CNTNAP3B: variants seen among roughly 807,000 people sequenced by gnomAD.
The protein encoded by CNTNAP3B is contactin associated protein family member 3B.
CNTNAP3B carries 25 observed loss-of-function variants against 108.9 expected under a neutral mutation model. The ratio of observed to expected loss-of-function variants is 0.23; its 90% CI spans 0.17 to 0.32. CNTNAP3B has a LOEUF of 0.32. CNTNAP3B is among the 10% of genes least tolerant of loss of function. The pLI is 1.00. For missense variants in CNTNAP3B, 252 were observed against 1,210.4 expected (o/e 0.21, Z 11.75); for synonymous variants, 103 against 473.4 (o/e 0.22, Z 10.16).
rs1430582371 is a variant in CNTNAP3B, at chr9:42,095,324, T to A, written c.196+9305A>T. On this transcript the variant is annotated intron_variant, in intron 2 of 23. Coordinates refer to ENST00000377561, the MANE Select transcript of CNTNAP3B (RefSeq NM_001201380.3). ...CTTAACATAATGTCCTCCAGGTTCATCCATGTTATCACAAGTGTCAGAGTT... is the reference window on the plus strand; with the variant it reads ...CTTAACATAATGTCCTCCAGGTTCAACCATGTTATCACAAGTGTCAGAGTT... Among the ~76,000 whole-genome samples, 6 of 138,294 alleles carry A rather than the reference T, an allele frequency of 4.3e-5. 2 individuals are homozygous for A. Among genetic ancestry groups the A allele is most frequent in the African/African-American group, 1.7e-4 (6 of 34,446 alleles). 90.7% of individuals were successfully genotyped at this position (138,294 alleles called of 152,430 possible). A position where few individuals can be genotyped will look rare whatever the true frequency, so the allele number is the denominator to read the frequency against.
intron 9 of CNTNAP3B, among the ~76,000 whole-genome samples, chr9:41,973,753 A>C (rs1366087002): frequency 7.2e-6 from 1 of 139,494 alleles, no homozygotes; most frequent in African/African-American, 2.8e-5. Context: ...AAAACACTTC[A>C]AAAAGATGAA....
chr9:41,923,339 T>G (rs1823719805), intron 16 of CNTNAP3B, among the ~76,000 whole-genome samples: 1 of 150,720 alleles, frequency 6.6e-6, no homozygotes, highest in Non-Finnish European at 1.5e-5. Flanking sequence ...TCAAATATTT[T>G]TGGAATTCAG....
chr9:41,937,231 A>G, intron 14 of CNTNAP3B, among the ~76,000 whole-genome samples: 1 of 150,582 alleles, frequency 6.6e-6, no homozygotes, highest in Middle Eastern at 3.4e-3. Flanking sequence ...GGGTTAAGCA[A>G]TTCTACTGTC....
At chr9:41,932,770 G>C (rs1265835749) in intron 14 of CNTNAP3B, among the ~76,000 whole-genome samples, 2 of 152,016 alleles carry the variant, frequency 1.3e-5, no homozygotes, top group African/African-American at 2.4e-5. Context: ...TGCCCGCCTT[G>C]GCCTCGCAAA....
intron 7 of CNTNAP3B, among the ~76,000 whole-genome samples, chr9:41,995,841 G>A (rs1293674944): frequency 7.2e-6 from 1 of 138,714 alleles, no homozygotes; most frequent in African/African-American, 2.9e-5. Context: ...TTCGAGACTA[G>A]CCTGGCCAAC....
rs1451207476 is a variant in CNTNAP3B, at chr9:42,127,005, T to C, written c.85+2005A>G. Among the ~76,000 whole-genome samples, 8 of 139,048 alleles carry C rather than the reference T, an allele frequency of 5.8e-5. 2 individuals carry two copies. The highest frequency in any genetic ancestry group is 1.5e-5 in the Non-Finnish European group (1 of 64,954). The allele number at this position is 139,048 out of a possible 152,430, so 91.2% of individuals were successfully genotyped here. A position where few individuals can be genotyped will look rare whatever the true frequency, so the allele number is the denominator to read the frequency against. On this transcript the variant is annotated intron_variant, in intron 1 of 23. Coordinates refer to ENST00000377561, the MANE Select transcript of CNTNAP3B (RefSeq NM_001201380.3). ...GGTGTCTTCATGAGAAGGAAACTTT[T>C]AGATGTCCTTATTGACTTTCTTCTT...
At chr9:41,952,004 G>A (rs1283382709) in intron 13 of CNTNAP3B, among the ~76,000 whole-genome samples, 6 of 152,266 alleles carry the variant, frequency 3.9e-5, no homozygotes, top group Non-Finnish European at 7.3e-5. Context: ...TTGAATCCGG[G>A]AGGGGAGCGG....
intron 12 of CNTNAP3B, among the ~76,000 whole-genome samples, chr9:41,956,011 C>T (rs1227543909): frequency 1.3e-5 from 2 of 152,242 alleles, no homozygotes; most frequent in Non-Finnish European, 2.9e-5. Flanking sequence ...AATCATCTAA[C>T]ACAATGCCTA....
chr9:41,934,509 C>G (rs1452134669), intron 14 of CNTNAP3B, among the ~76,000 whole-genome samples: 1 of 152,250 alleles, frequency 6.6e-6, no homozygotes, highest in African/African-American at 2.4e-5. Flanking sequence ...GCGTGAGCCA[C>G]GGCGCCCTGC....
rs950635466 is a variant in CNTNAP3B at position 42,078,527 on chromosome 9, C to T, written c.197-1465G>A. On this transcript the variant is annotated intron_variant, in intron 2 of 23. Transcript: ENST00000377561. Reference sequence around the variant, plus strand: ...GTTTTGCTTTTTATTGTTCTATGTTCTGAATTGAAGAGTCAGGAATTTGAT... The same window carrying T: ...GTTTTGCTTTTTATTGTTCTATGTTTTGAATTGAAGAGTCAGGAATTTGAT... Among the ~76,000 whole-genome samples, 4 of 138,730 alleles carry T rather than the reference C, an allele frequency of 2.9e-5. 1 individual carries two copies. Among genetic ancestry groups the T allele is most frequent in the African/African-American group, 1.2e-4 (4 of 34,778 alleles). 91.0% of individuals were successfully genotyped at this position (138,730 alleles called of 152,430 possible). A position where few individuals can be genotyped will look rare whatever the true frequency, so the allele number is the denominator to read the frequency against.
At chr9:42,125,973 C>T (rs1181742763) in intron 1 of CNTNAP3B, among the ~76,000 whole-genome samples, 2 of 133,732 alleles carry the variant, frequency 1.5e-5, no homozygotes, top group Non-Finnish European at 3.1e-5. Flanking sequence ...GTCTGTTACT[C>T]ATCTGCAGAA....
At chr9:42,113,538 A>G (rs1247196460) in intron 1 of CNTNAP3B, among the ~76,000 whole-genome samples, 1 of 139,710 alleles carries the variant, frequency 7.2e-6, no homozygotes, top group Non-Finnish European at 1.5e-5. Flanking sequence ...CACAGAAAAA[A>G]ATACAACAAC....
intron 1 of CNTNAP3B, among the ~76,000 whole-genome samples, chr9:42,118,440 A>C (rs1828373926): frequency 7.2e-6 from 1 of 138,468 alleles, no homozygotes; most frequent in African/African-American, 2.9e-5. Flanking sequence ...TGATTATCTC[A>C]ATAGATGCAG....
chr9:42,095,249 A>C (rs1343449668), intron 2 of CNTNAP3B, among the ~76,000 whole-genome samples: 2 of 131,704 alleles, frequency 1.5e-5, no homozygotes, highest in Non-Finnish European at 3.2e-5. Flanking sequence ...TAAATTCCAC[A>C]TGTAAGTGAG....
At chr9:42,066,984 A>G in intron 3 of CNTNAP3B, among the ~76,000 whole-genome samples, 1 of 151,840 alleles carries the variant, frequency 6.6e-6, no homozygotes, top group Non-Finnish European at 1.5e-5. Context: ...AAAGTCATAC[A>G]TAGAATTTGA....
At chr9:41,919,653 A>T (rs1481678010) in intron 18 of CNTNAP3B, among the ~76,000 whole-genome samples, 1 of 152,256 alleles carries the variant, frequency 6.6e-6, no homozygotes, top group East Asian at 1.9e-4. Flanking sequence ...GGGTAAGACG[A>T]TTGCTCAAGC....
At chr9:41,952,511 T>C (rs1478472006) in intron 13 of CNTNAP3B, among the ~76,000 whole-genome samples, 1 of 152,278 alleles carries the variant, frequency 6.6e-6, no homozygotes, top group Non-Finnish European at 1.5e-5. Context: ...CGGTGAGTCC[T>C]GCAGGGGACT....
intron 13 of CNTNAP3B, among the ~76,000 whole-genome samples, chr9:41,943,391 C>T (rs1397076008): frequency 4.7e-5 from 6 of 128,890 alleles, no homozygotes; most frequent in Non-Finnish European, 6.2e-5. Context: ...CTCTCTCTGT[C>T]GCTCAGGCTG....
At chr9:41,942,009 A>C (rs1353866896) in intron 13 of CNTNAP3B, among the ~76,000 whole-genome samples, 1 of 152,304 alleles carries the variant, frequency 6.6e-6, no homozygotes, top group South Asian at 2.1e-4. Flanking sequence ...CTAATCCCCC[A>C]AAAAGCTAGT....
Sources: allele counts gnomAD v4.1 joint callset (sites outside exome capture counted in the v4.1 genomes callset), GRCh38; gene constraint gnomAD v4.1.1; transcripts MANE v1.5; gene names NCBI Gene and HGNC (gene_info 2026-07-23, HGNC 2026-07-21).